NOTCH3: variants seen among roughly 807,000 people sequenced by gnomAD.
The protein encoded by NOTCH3 is neurogenic locus notch homolog protein 3.
In NOTCH3, 86 loss-of-function variants were observed where a neutral mutation model predicts 213.3. That is an observed-to-expected ratio of 0.40 (90% confidence interval 0.34 to 0.48). NOTCH3 has a LOEUF of 0.48. NOTCH3 is among the 20% of genes least tolerant of loss of function. NOTCH3 has a pLI of 0.57. For missense variants in NOTCH3, 2,783 were observed against 3,272.6 expected (o/e 0.85, Z 3.65); for synonymous variants, 1,354 against 1,355.9 (o/e 1.00, Z 0.03).
chr19:15,192,959 A>G (rs896946551), intron 2 of NOTCH3, among the ~76,000 whole-genome samples: 1 of 152,118 alleles, frequency 6.6e-6, no homozygotes, highest in Non-Finnish European at 1.5e-5. Flanking sequence ...CATGCAACGA[A>G]TATTTACTGA....
Position 15,161,592 on chromosome 19 carries a change from G to T in NOTCH3, c.6036C>A (p.Ala2012=), listed in dbSNP as rs774026358. Residue 2012 remains alanine (A), a synonymous_variant, in exon 33 of 33, where the codon GCC becomes GCA. Coordinates refer to ENST00000263388, the MANE Select transcript of NOTCH3 (RefSeq NM_000435.3). The part of the protein sequence containing the change: ...DHLDRLPRDV[A]QERLHQDIVR... ...CGATGTCCTGGTGCAGTCTCTCCTG[G>T]GCTACGTCCCGCGGCAGCCTGTCCA... 6.2e-6 allele frequency: 10 copies of T among 1,611,852 alleles called. No individual in the cohort carries two copies. Among genetic ancestry groups the T allele is most frequent in the Non-Finnish European group, 5.9e-6 (7 of 1,179,240 alleles).
At chr19:15,173,052 C>CCTCCTCCTCCT (rs781063990) in intron 25 of NOTCH3, among the ~76,000 whole-genome samples, 2,021 of 18,972 alleles carry the variant, frequency 0.11, 446 homozygotes, top group Middle Eastern at 0.13. Context: ...CCTCCCTCCT[C>CCTCCTCCTCCT]CCTCTTCTTC....
chr19:15,173,196 T>G (rs1369826648), intron 25 of NOTCH3, among the ~76,000 whole-genome samples: 11 of 137,748 alleles, frequency 8.0e-5, no homozygotes, highest in African/African-American at 2.9e-4. Context: ...CCGAGGCAGG[T>G]GGATCACGAA....
intron 19 of NOTCH3, 83 bp from the exon 20 acceptor site, chr19:15,180,339 C>T (rs1227827879): frequency 2.1e-5 from 31 of 1,469,562 alleles, no homozygotes; most frequent in Non-Finnish European, 2.8e-5. Flanking sequence ...ATTCAACATC[C>T]TTGGTGGAAT....
chr19:15,192,033 T>A lies in NOTCH3; in HGVS notation c.606A>T (p.Ala202=), dbSNP rs1043994. 1 of 1,613,224 alleles carries A rather than the reference T, an allele frequency of 6.2e-7. No homozygotes were observed. The highest frequency in any genetic ancestry group is 1.7e-5 in the Admixed American group (1 of 59,988). The stretch of plus-strand genomic sequence containing the variant: ...TGCCCCCGTTACGGCATGGTGAGGG[T>A]GCACAGGGCACCGCGGGGTTCTCAC... ...PLCENPAVPC[A]PSPCRNGGTC... is the part of the protein sequence containing the mutation. Residue 202 remains alanine (A), a synonymous_variant, in exon 4 of 33, where the codon GCA becomes GCT. Coordinates refer to ENST00000263388, the MANE Select transcript of NOTCH3 (RefSeq NM_000435.3).
rs2145443452 is a variant in NOTCH3, at chr19:15,192,452, C to T, written c.265G>A (p.Gly89Ser). Residue 89 changes from glycine to serine, a missense_variant, in exon 3 of 33, where the codon GGC becomes AGC. Around this residue, in one of 6 missense-constraint regions of NOTCH3, gnomAD observed 708 missense variants for 906.6 expected, o/e 0.78. Coordinates refer to ENST00000263388, the MANE Select transcript of NOTCH3 (RefSeq NM_000435.3). ...EDPCHSGPCA[G>S]RGVCQSSVVA... ...ACTGAACTCTGGCAGACACCACGGC[C>T]AGCACAGGGGCCTGAGTGACAGGGG... The T allele has an allele frequency of 6.2e-7, 1 of 1,612,282 alleles. No homozygotes were observed. Among genetic ancestry groups the T allele is most frequent in the Non-Finnish European group, 8.5e-7 (1 of 1,179,832 alleles).
At chr19:15,190,909 C>T (rs10405248) in intron 6 of NOTCH3, among the ~76,000 whole-genome samples, 116,860 of 151,944 alleles carry the variant, frequency 0.77, 45,990 homozygotes, top group East Asian at 0.86. Context: ...GTAGAGATGA[C>T]AAAAACTCAC....
chr19:15,191,211 T>C (rs2145439345), intron 6 of NOTCH3, among the ~76,000 whole-genome samples: 1 of 151,272 alleles, frequency 6.6e-6, no homozygotes, highest in South Asian at 2.1e-4. Context: ...TTTTTGTGTT[T>C]TTAGTAGAGA....
rs1411423626 is a variant in NOTCH3 at position 15,162,784 on chromosome 19, TGTGTGTGTGC to T, written c.5816-232_5816-223del. Among the ~76,000 whole-genome samples the T allele has an allele frequency of 0.023, 3,530 of 151,570 alleles. 135 individuals are homozygous for T. Among genetic ancestry groups the T allele is most frequent in the African/African-American group, 0.076 (3,128 of 41,150 alleles). On this transcript the variant is annotated intron_variant, in intron 31 of 32. Coordinates refer to ENST00000263388, the MANE Select transcript of NOTCH3 (RefSeq NM_000435.3). ...CTGTGTGTGTGTGTTTGTGTGTGTG[TGTGTGTGTGC>T]GTGCATGTGCATGACTGTTTATACA...
rs1037739385 is a variant in NOTCH3 at position 15,177,933 on chromosome 19, G to A, written c.3995C>T (p.Pro1332Leu). Residue 1332 changes from proline (P) to leucine (L), a missense_variant, in exon 24 of 33, where the codon CCG becomes CTG. Physicochemically the swap from Pro to Leu is moderately conservative, Grantham distance 98. Transcript: ENST00000263388. ...CGCGCAGCTGGCGTTGCTGGCCCCC[G>A]GCGGCGACCCCGGGAAGCTGCGGCA... ...PSCRSFPGSP[P>L]GASNASCAAA... The A allele has an allele frequency of 5.4e-6, 7 of 1,292,108 alleles. No homozygotes were observed. The South Asian group carries it at 1.4e-4, about 26-fold the overall frequency. The allele number at this position is 1,292,108 out of a possible 1,614,324, so 80.0% of individuals were successfully genotyped here.
intron 29 of NOTCH3, among the ~76,000 whole-genome samples, chr19:15,166,482 G>A (rs2046686884): frequency 6.8e-6 from 1 of 147,638 alleles, no homozygotes; most frequent in Admixed American, 6.9e-5. Flanking sequence ...GCCCCTTTCT[G>A]CCAATTCATT....
chr19:15,199,068 G>C (rs112188421), intron 1 of NOTCH3, among the ~76,000 whole-genome samples: 12 of 152,226 alleles, frequency 7.9e-5, no homozygotes, highest in African/African-American at 2.9e-4. Context: ...GGACCTGTGG[G>C]TGTTCGTGAA....
intron 24 of NOTCH3, among the ~76,000 whole-genome samples, chr19:15,175,614 C>CAT (rs1491101245): frequency 9.1e-5 from 10 of 109,666 alleles, no homozygotes; most frequent in Non-Finnish European, 1.3e-4. Flanking sequence ...CACACACACA[C>CAT]GCACGCACAC....
At chr19:15,199,366 G>C (rs2046993483) in intron 1 of NOTCH3, among the ~76,000 whole-genome samples, 1 of 152,188 alleles carries the variant, frequency 6.6e-6, no homozygotes. Flanking sequence ...GTGTAAATGG[G>C]TGTACAGCTG....
At chr19:15,184,206 T>C (rs1476268657) in intron 16 of NOTCH3, 89 bp downstream of exon 16, 25 of 1,308,038 alleles carry the variant, frequency 1.9e-5, no homozygotes, top group Non-Finnish European at 2.2e-5. Flanking sequence ...ACTGTGAAGA[T>C]GAAATGACAG....
Position 15,167,288 on chromosome 19 carries a change from C to G in NOTCH3, c.5323G>C (p.Ala1775Pro), listed in dbSNP as rs139983430. ...TTGACATCCATGCCATCAGCATCTGCGTCGCCCTGTGGTGGTGTCAGTGCC... is the reference window on the plus strand; with the variant it reads ...TTGACATCCATGCCATCAGCATCTGGGTCGCCCTGTGGTGGTGTCAGTGCC... ...AMALTPPQGDADADGMDVNVR... is the reference protein window; with the variant it reads ...AMALTPPQGDPDADGMDVNVR... Residue 1775 changes from alanine (A) to proline (P), a missense_variant, in exon 29 of 33, where the codon GCA becomes CCA. Around this residue, in one of 6 missense-constraint regions of NOTCH3, gnomAD observed 636 missense variants for 801.8 expected, o/e 0.79. Transcript: ENST00000263388. The G allele has an allele frequency of 1.2e-6, 2 of 1,613,572 alleles. No homozygotes were observed. The highest frequency in any genetic ancestry group is 1.7e-6 in the Non-Finnish European group (2 of 1,179,840).
intron 32 of NOTCH3, 92 bp from the exon 33 acceptor site, chr19:15,161,806 T>C (rs1209247630): frequency 2.0e-5 from 22 of 1,116,450 alleles, no homozygotes; most frequent in Non-Finnish European, 2.7e-5. Flanking sequence ...AGCTATGAGT[T>C]TGTACACTGG....
In NOTCH3 at chr19:15,160,958, C is replaced by A. The variant is rs1315361668; in HGVS notation, c.6670G>T (p.Ala2224Ser). Residue 2224 changes from alanine to serine, a missense_variant, in exon 33 of 33, where the codon GCT becomes TCT. Physicochemically the swap from Ala to Ser is moderately conservative, Grantham distance 99. Transcript: ENST00000263388. The part of the protein sequence containing the change: ...VPGHGEEYPA[A>S]GAHSSPPKAR... ...TTTGGGGGGCTGCTGTGTGCCCCAG[C>A]CGCCGGGTACTCCTCGCCATGTCCT... The A allele has an allele frequency of 1.3e-6, 2 of 1,585,094 alleles. No homozygotes were observed. Among genetic ancestry groups the A allele is most frequent in the African/African-American group, 1.3e-5 (1 of 74,362 alleles).
intron 31 of NOTCH3, among the ~76,000 whole-genome samples, chr19:15,164,180 A>G (rs1275499218): frequency 6.6e-6 from 1 of 152,112 alleles, no homozygotes; most frequent in Admixed American, 6.6e-5. Flanking sequence ...TACACTTTAA[A>G]TGGGTGAATT....
Sources: allele counts gnomAD v4.1 joint callset (sites outside exome capture counted in the v4.1 genomes callset), GRCh38; gene constraint gnomAD v4.1.1; regional missense constraint gnomAD v4.1.1; transcripts MANE v1.5; gene names NCBI Gene and HGNC (gene_info 2026-07-23, HGNC 2026-07-21).